Variants in FARSA observed in about 807,000 individuals in gnomAD.
FARSA encodes phenylalanyl-tRNA synthetase subunit alpha.
In FARSA, 37 loss-of-function variants were observed where a neutral mutation model predicts 63.2. The observed-to-expected ratio is 0.59, with a 90% CI of 0.45 to 0.77. FARSA has a LOEUF of 0.77. Among genes scored for constraint, FARSA ranks in the 30% least tolerant of loss-of-function variants. The pLI, the probability that FARSA is intolerant of heterozygous loss-of-function variation, is 0.00. For missense variants in FARSA, 618 were observed against 696.6 expected, an observed-to-expected ratio of 0.89 and a Z score of 1.27; for synonymous variants, 312 against 285.1, an observed-to-expected ratio of 1.09 and a Z score of -0.95.
intron 12 of FARSA, 120 bp from the exon 13 acceptor site, chr19:12,923,006 C>A: frequency 1.5e-6 from 2 of 1,357,612 alleles, no homozygotes; most frequent in South Asian, 1.3e-5. Context: ...ACCCACAGGG[C>A]CCTGCGCCAA....
intron 5 of FARSA, 24 bp from the exon 6 acceptor site, chr19:12,928,687 G>T (rs555932113): frequency 6.2e-7 from 1 of 1,613,548 alleles, no homozygotes; most frequent in South Asian, 1.1e-5. Context: ...CAAGGGCCTG[G>T]TAAGGGCTGC....
chr19:12,930,384 C>T, intron 3 of FARSA, 43 bp from the exon 4 acceptor site: 3 of 1,612,956 alleles, frequency 1.9e-6, no homozygotes, highest in South Asian at 2.2e-5. Context: ...GCCAGGGGCC[C>T]ATGTGCCCGT....
At chr19:12,923,325 T>TTTTGA (rs1971286281) in intron 12 of FARSA, among the ~76,000 whole-genome samples, 1 of 152,202 alleles carries the variant, frequency 6.6e-6, no homozygotes, top group Non-Finnish European at 1.5e-5. Flanking sequence ...AAACAGAGTC[T>TTTTGA]CACTCTGTAA....
At chr19:12,927,729 CAAAAAAAAAA>C (rs71168636) in intron 7 of FARSA, among the ~76,000 whole-genome samples, 28 of 30,644 alleles carry the variant, frequency 9.1e-4, no homozygotes, top group Non-Finnish European at 1.3e-3. Context: ...GAGACTGTCT[CAAAAAAAAAA>C]AAAAAAAAAA....
At chr19:12,926,276 ATT>A (rs757037221) in intron 7 of FARSA, among the ~76,000 whole-genome samples, 2 of 88,694 alleles carry the variant, frequency 2.3e-5, no homozygotes, top group Admixed American at 1.3e-4. Context: ...AAGGGACAAA[ATT>A]TTTTTTTTTT....
intron 7 of FARSA, among the ~76,000 whole-genome samples, chr19:12,927,626 G>A (rs2145997093): frequency 6.6e-6 from 1 of 150,522 alleles, no homozygotes; most frequent in Non-Finnish European, 1.5e-5. Flanking sequence ...CAGCTACTCA[G>A]GAGGCTGAGG....
intron 4 of FARSA, 25 bp downstream of exon 4, chr19:12,930,198 G>A: frequency 1.9e-6 from 3 of 1,578,408 alleles, no homozygotes; most frequent in South Asian, 2.2e-5. Context: ...GTGGGGGCCT[G>A]AGCCTGCAGG....
At chr19:12,933,223 G>A in intron 1 of FARSA, 2 of 329,006 alleles carry the variant, frequency 6.1e-6, no homozygotes, top group South Asian at 3.5e-5. Flanking sequence ...TCACAGCTGG[G>A]TCCCCTGTTT....
chr19:12,924,097 C>G lies in FARSA; in HGVS notation c.1388+54G>C. 7.1e-7 allele frequency: 1 copy of G among 1,412,894 alleles called. No homozygotes were observed. The highest frequency in any genetic ancestry group is 1.0e-6 in the Non-Finnish European group (1 of 996,268). The allele number at this position is 1,412,894 out of a possible 1,614,324, so 87.5% of individuals were successfully genotyped here. A position where few individuals can be genotyped will look rare whatever the true frequency, so the allele number is the denominator to read the frequency against. On this transcript the variant is annotated intron_variant, in intron 12 of 12. Coordinates refer to ENST00000314606, the MANE Select transcript of FARSA (RefSeq NM_004461.3). This position sits in a 1 kb window ranked among gnomAD's most constrained non-coding sequence, Gnocchi z 6.4. ...GCTGAAACCACGCAGGCCCCTATACCTGGAGAGTTATTTGAGGCAGCTGGA... is the reference window on the plus strand; with the variant it reads ...GCTGAAACCACGCAGGCCCCTATACGTGGAGAGTTATTTGAGGCAGCTGGA...
In FARSA at chr19:12,925,092, C is replaced by A; in HGVS notation, c.924G>T (p.Gln308His). The change falls in exon 8 of 13, where the codon CAG (glutamine) becomes CAT (histidine). Residue 308 changes from glutamine (Q) to histidine (H), a missense_variant and splice_region_variant. Physicochemically the swap from Gln to His is conservative, Grantham distance 24. Coordinates refer to ENST00000314606, the MANE Select transcript of FARSA (RefSeq NM_004461.3). Reference sequence around the variant, plus strand: ...ATACCAGGTAAGTCCTGCCTCACCCCTGTGAGCCGTAGCCGCCCTGAGAGT... The same window carrying A: ...ATACCAGGTAAGTCCTGCCTCACCCATGTGAGCCGTAGCCGCCCTGAGAGT... ...RTHSQGGYGSQGYKYNWKLDE... is the reference protein window; with the variant it reads ...RTHSQGGYGSHGYKYNWKLDE... 6.2e-7 allele frequency: 1 copy of A among 1,612,826 alleles called. No individual in the cohort carries two copies. Among genetic ancestry groups the A allele is most frequent in the Non-Finnish European group, 8.5e-7 (1 of 1,179,736 alleles).
chr19:12,923,828 A>T (rs1971293844), intron 12 of FARSA, among the ~76,000 whole-genome samples: 1 of 151,770 alleles, frequency 6.6e-6, no homozygotes. Context: ...GCCCAGGCTG[A>T]TCTCAAACTC....
In FARSA at chr19:12,930,411, C is replaced by T. The variant is rs1027581327; in HGVS notation, c.384+18G>A. On this transcript the variant is annotated intron_variant, in intron 3 of 12. Transcript: ENST00000314606. ...TGTGCCCGTCCACCTGCCCCCTGACCAGCCCGCAGGAACGCACCACTCGGA... is the reference window on the plus strand; with the variant it reads ...TGTGCCCGTCCACCTGCCCCCTGACTAGCCCGCAGGAACGCACCACTCGGA... 3.1e-6 allele frequency: 5 copies of T among 1,613,170 alleles called. No homozygotes were observed. The highest frequency in any genetic ancestry group is 4.2e-6 in the Non-Finnish European group (5 of 1,179,486).
chr19:12,929,615 G>A (rs943188666), intron 4 of FARSA, among the ~76,000 whole-genome samples: 2 of 152,172 alleles, frequency 1.3e-5, no homozygotes, highest in Non-Finnish European at 2.9e-5. Flanking sequence ...GATTACACAC[G>A]TGAGCCACAC....
chr19:12,925,221 C>T (rs1221886707), intron 7 of FARSA, 47 bp from the exon 8 acceptor site: 2 of 1,490,192 alleles, frequency 1.3e-6, no homozygotes, highest in Non-Finnish European at 1.8e-6. Flanking sequence ...GCATTTCCCA[C>T]CCCTTTTTTT....
rs577807236 is a variant in FARSA, at chr19:12,928,694, C to A, written c.597-31G>T. ...GGAGGATGCAAGGGCCTGGTAAGGG[C>A]TGCCCGCCCCTGCCCCCTGCCCCAG... On this transcript the variant is annotated intron_variant, in intron 5 of 12. Transcript: ENST00000314606. The A allele has an allele frequency of 8.1e-6, 13 of 1,613,448 alleles. No individual in the cohort carries two copies. The African/African-American group carries it at 1.7e-4, about 22-fold the overall frequency.
intron 5 of FARSA, 34 bp from the exon 6 acceptor site, chr19:12,928,697 C>G (rs779124534): frequency 1.2e-6 from 2 of 1,613,496 alleles, no homozygotes; most frequent in East Asian, 4.5e-5. Flanking sequence ...GTAAGGGCTG[C>G]CCGCCCCTGC....
At chr19:12,927,509 T>A (rs568654409) in intron 7 of FARSA, among the ~76,000 whole-genome samples, 13 of 145,298 alleles carry the variant, frequency 8.9e-5, no homozygotes, top group African/African-American at 2.8e-4. Context: ...GAGGCGGGAG[T>A]ATCACTTGAG....
intron 7 of FARSA, 49 bp from the exon 8 acceptor site, chr19:12,925,223 CCT>C: frequency 2.0e-6 from 3 of 1,486,234 alleles, no homozygotes; most frequent in Non-Finnish European, 2.7e-6. Context: ...ATTTCCCACC[CCT>C]TTTTTTTTTT....
In FARSA at chr19:12,928,575, T is replaced by G; in HGVS notation, c.685A>C (p.Lys229Gln). 2 of 1,613,842 alleles carry G rather than the reference T, an allele frequency of 1.2e-6. No individual in the cohort carries two copies. The highest frequency in any genetic ancestry group is 1.7e-6 in the Non-Finnish European group (2 of 1,179,864). Residue 229 changes from lysine (K) to glutamine (Q), a missense_variant, in exon 6 of 13, where the codon AAG (lysine) becomes CAG (glutamine). Transcript: ENST00000314606. The stretch of plus-strand genomic sequence containing the variant: ...ATCTGTCGGAACTGGGAGCGGACCT[T>G]GAGCAGCGGGTGAAGGTGGCCGCTG... ...PDSGHLHPLL[K>Q]VRSQFRQIFL...
Sources: gnomAD v4.1 joint callset for allele counts (sites outside exome capture counted in the v4.1 genomes callset) on GRCh38, gnomAD v4.1.1 for gene constraint, Gnocchi (gnomAD v3.1) non-coding constraint, MANE v1.5 for transcripts, NCBI Gene and HGNC (gene_info 2026-07-23, HGNC 2026-07-21) for gene names.